The following RALYL variants were observed in gnomAD, a reference collection of about 807,000 sequenced individuals.
RALYL encodes the protein RNA-binding Raly-like protein.
Under a neutral mutation model 35.1 loss-of-function variants are expected in RALYL, and 29 were observed. The observed-to-expected ratio is 0.83, with a 90% CI of 0.61 to 1.13. The LOEUF is 1.13. Ranked by LOEUF, RALYL falls within the 50% of genes most tolerant of loss-of-function variation. RALYL has a pLI of 0.00. For synonymous variants in RALYL, 120 were observed against 127.6 expected, an observed-to-expected ratio of 0.94 and a Z score of 0.40; for missense variants, 359 against 360.4, an observed-to-expected ratio of 1.00 and a Z score of 0.03.
intron 3 of RALYL, among the ~76,000 whole-genome samples, chr8:84,780,607 G>A (rs1817928575): frequency 6.6e-6 from 1 of 152,112 alleles, no homozygotes; most frequent in Non-Finnish European, 1.5e-5. Flanking sequence ...TGTTCAGTTT[G>A]CTTGGTGGGA....
chr8:84,760,892 TC>T (rs538591815), intron 2 of RALYL, among the ~76,000 whole-genome samples: 575 of 152,186 alleles, frequency 3.8e-3, no homozygotes, highest in African/African-American at 0.013. Flanking sequence ...ATCTTCTGTA[TC>T]AGAATAGAAT....
At chr8:84,367,147 T>A (rs1224670675) in intron 1 of RALYL, among the ~76,000 whole-genome samples, 1 of 147,736 alleles carries the variant, frequency 6.8e-6, no homozygotes, top group Non-Finnish European at 1.5e-5. Context: ...TTCTTTTTTT[T>A]TTTTTTGAGA....
chr8:84,833,627 G>T (rs926972262), intron 4 of RALYL, among the ~76,000 whole-genome samples: 5 of 143,270 alleles, frequency 3.5e-5, no homozygotes, highest in Non-Finnish European at 5.9e-5. Flanking sequence ...GGGTGACAGA[G>T]CATGACTTCG....
In RALYL at chr8:84,873,303, G is replaced by C. The variant is rs1327620626; in HGVS notation, c.591G>C (p.Gln197His). The change falls in exon 7 of 9, where the codon CAG becomes CAC. Residue 197 changes from glutamine to histidine, a missense_variant. Physicochemically the swap from Gln to His is conservative, Grantham distance 24. Coordinates refer to ENST00000521268, the MANE Select transcript of RALYL (RefSeq NM_173848.7). ...TGSKLKSDELQTIKKELTQIK... is the reference protein window; with the variant it reads ...TGSKLKSDELHTIKKELTQIK... ...TTCCAGTGAAATCAGATGAGTTACA[G>C]ACCATCAAGAAAGAATTAACCCAGA... 1.3e-6 allele frequency: 2 copies of C among 1,588,846 alleles called. No individual in the cohort carries two copies. The highest frequency in any genetic ancestry group is 4.5e-5 in the East Asian group (2 of 44,044).
At chr8:84,788,594 G>T (rs1160439803) in intron 3 of RALYL, among the ~76,000 whole-genome samples, 1 of 152,140 alleles carries the variant, frequency 6.6e-6, no homozygotes. Flanking sequence ...TTTAGTACTA[G>T]ACTGCTTTAG....
chr8:84,575,900 G>A (rs1809284127), intron 2 of RALYL, among the ~76,000 whole-genome samples: 1 of 151,098 alleles, frequency 6.6e-6, no homozygotes, highest in African/African-American at 2.4e-5. Flanking sequence ...GCTGTGGTGG[G>A]AGGATCACTT....
intron 1 of RALYL, among the ~76,000 whole-genome samples, chr8:84,189,146 TAGAG>T (rs1305036594): frequency 3.9e-5 from 6 of 152,126 alleles, no homozygotes; most frequent in African/African-American, 1.4e-4. Context: ...AAAATCTAAA[TAGAG>T]AGGAAAATTA....
rs945194009 is a variant in RALYL at position 84,557,856 on chromosome 8, C to T, written c.256+28279C>T. On this transcript the variant is annotated intron_variant, in intron 2 of 8. Coordinates refer to ENST00000521268, the MANE Select transcript of RALYL (RefSeq NM_173848.7). ...TCACACTGCCCAAAAGAAGATTTTG[C>T]AATAATTTTACCAGAAAAGCCATAC... is the stretch of plus-strand genomic sequence containing the variant. Among the ~76,000 whole-genome samples the T allele has an allele frequency of 3.5e-4, 53 of 151,984 alleles. 1 individual carries two copies. Among genetic ancestry groups the T allele is most frequent in the Admixed American group, 3.1e-3 (47 of 15,260 alleles).
At chr8:84,854,402 T>C (rs1836545288) in intron 5 of RALYL, among the ~76,000 whole-genome samples, 4 of 152,260 alleles carry the variant, frequency 2.6e-5, no homozygotes, top group Middle Eastern at 6.8e-3. Flanking sequence ...GATGTATTTC[T>C]CATATTGACA....
intron 1 of RALYL, among the ~76,000 whole-genome samples, chr8:84,360,118 C>A (rs897690149): frequency 2.0e-5 from 3 of 152,118 alleles, no homozygotes; most frequent in South Asian, 2.1e-4. Flanking sequence ...AGTCATCCGC[C>A]CACATTGGCC....
intron 1 of RALYL, among the ~76,000 whole-genome samples, chr8:84,228,316 A>T (rs535784578): frequency 9.2e-4 from 140 of 152,314 alleles, no homozygotes; most frequent in African/African-American, 3.1e-3. Flanking sequence ...ATAGACTTTC[A>T]AGTGTGTGAG....
chr8:84,513,735 G>A (rs1483741105), intron 1 of RALYL, among the ~76,000 whole-genome samples: 1 of 151,932 alleles, frequency 6.6e-6, no homozygotes, highest in African/African-American at 2.4e-5. Context: ...TGACTCTTAA[G>A]ATACAAAATA....
intron 1 of RALYL, among the ~76,000 whole-genome samples, chr8:84,370,244 G>A (rs2131406453): frequency 6.6e-6 from 1 of 152,192 alleles, no homozygotes; most frequent in African/African-American, 2.4e-5. Flanking sequence ...GTTTACAGGG[G>A]AACTACTACT....
chr8:84,665,035 AG>A (rs1831711564), intron 2 of RALYL, among the ~76,000 whole-genome samples: 1 of 152,168 alleles, frequency 6.6e-6, no homozygotes, highest in Non-Finnish European at 1.5e-5. Flanking sequence ...TTTAACATGA[AG>A]GGATGTTGAA....
In RALYL at chr8:84,873,413, T is replaced by C; in HGVS notation, c.685+16T>C. 2.8e-6 allele frequency: 4 copies of C among 1,454,518 alleles called. No homozygotes were observed. The highest frequency in any genetic ancestry group is 1.9e-5 in the Admixed American group (1 of 53,954). 90.1% of individuals were successfully genotyped at this position (1,454,518 alleles called of 1,614,324 possible). Reference sequence around the variant, plus strand: ...GCGGAGGCAGGTAAGTGATCTCTGATCACAGACAGGTCAGAATTGAACCAG... The same window carrying C: ...GCGGAGGCAGGTAAGTGATCTCTGACCACAGACAGGTCAGAATTGAACCAG... On this transcript the variant is annotated intron_variant, in intron 7 of 8. Coordinates refer to ENST00000521268, the MANE Select transcript of RALYL (RefSeq NM_173848.7).
chr8:84,507,612 T>C (rs1038459044), intron 1 of RALYL, among the ~76,000 whole-genome samples: 3 of 152,292 alleles, frequency 2.0e-5, no homozygotes, highest in Admixed American at 6.5e-5. Context: ...TTGCTCCTTG[T>C]TGCTCTGTGA....
intron 8 of RALYL, among the ~76,000 whole-genome samples, chr8:84,909,398 T>C (rs1221879735): frequency 6.6e-6 from 1 of 152,124 alleles, no homozygotes; most frequent in African/African-American, 2.4e-5. Context: ...CCAAAGGGAA[T>C]AGGAAGAAAT....
intron 2 of RALYL, among the ~76,000 whole-genome samples, chr8:84,684,633 C>A (rs1258926603): frequency 6.6e-6 from 1 of 152,166 alleles, no homozygotes; most frequent in East Asian, 1.9e-4. Flanking sequence ...AAGGTCAGAA[C>A]TGAGAAGACC....
chr8:84,712,538 A>T (rs1281792432), intron 2 of RALYL, among the ~76,000 whole-genome samples: 1 of 152,122 alleles, frequency 6.6e-6, no homozygotes, highest in Non-Finnish European at 1.5e-5. Context: ...TTCAAAGGTC[A>T]CTTTTGTACC....
Sources: allele counts gnomAD v4.1 joint callset (sites outside exome capture counted in the v4.1 genomes callset), GRCh38; gene constraint gnomAD v4.1.1; transcripts MANE v1.5; gene names NCBI Gene and HGNC (gene_info 2026-07-23, HGNC 2026-07-21).